CUX2: variants seen among roughly 807,000 people sequenced by gnomAD.
The protein encoded by CUX2 is homeobox protein cut-like 2.
In CUX2, 40 loss-of-function variants were observed where a neutral mutation model predicts 144.8. That is an observed-to-expected ratio of 0.28 (90% confidence interval 0.21 to 0.36). The LOEUF (loss-of-function observed/expected upper bound fraction) is 0.36. Among genes scored for constraint, CUX2 ranks in the 10% least tolerant of loss-of-function variants. The probability of loss-of-function intolerance (pLI) is 1.00; values close to 1 mark genes in which losing one functional copy is unlikely to be tolerated. For missense variants in CUX2, 1,615 were observed against 1,994.0 expected, an observed-to-expected ratio of 0.81 and a Z score of 3.62; for synonymous variants, 827 against 875.6, an observed-to-expected ratio of 0.94 and a Z score of 0.98.
intron 6 of CUX2, among the ~76,000 whole-genome samples, chr12:111,294,105 A>G (rs1244603769): frequency 6.6e-6 from 1 of 152,230 alleles, no homozygotes; most frequent in African/African-American, 2.4e-5. Context: ...AAGCCGAGGC[A>G]GGAGGATTGC....
rs372190942 is a variant in CUX2, at chr12:111,291,053, C to CG, written c.302-361dup. On this transcript the variant is annotated intron_variant, in intron 4 of 21. Coordinates refer to ENST00000261726, the MANE Select transcript of CUX2 (RefSeq NM_015267.4). ...AATTTTTTTGTATTTTTAGCAGAGA[C>CG]GGGGTTTCACCATGTTGGTCAGGCT... Among the ~76,000 whole-genome samples, 1,486 of 151,246 alleles carry CG rather than the reference C, an allele frequency of 9.8e-3. 23 individuals carry two copies. The highest frequency in any genetic ancestry group is 0.034 in the African/African-American group (1,416 of 41,148).
At chr12:111,329,059 C>G (rs369553116) in intron 18 of CUX2, among the ~76,000 whole-genome samples, 1 of 142,826 alleles carries the variant, frequency 7.0e-6, no homozygotes. Flanking sequence ...TCTCTCTCCC[C>G]CTCTGTTTGC....
At chr12:111,113,051 C>T (rs943844241) in intron 1 of CUX2, among the ~76,000 whole-genome samples, 10 of 152,092 alleles carry the variant, frequency 6.6e-5, no homozygotes, top group African/African-American at 1.9e-4. Context: ...AGGAGCTTGC[C>T]AGGGAGGGAG....
intron 2 of CUX2, among the ~76,000 whole-genome samples, chr12:111,217,011 C>T (rs755507752): frequency 2.6e-5 from 4 of 152,178 alleles, no homozygotes; most frequent in South Asian, 2.1e-4. Context: ...GGGGGAGTCA[C>T]ACCAGCAGAT....
intron 3 of CUX2, among the ~76,000 whole-genome samples, chr12:111,260,525 G>C (rs1196671153): frequency 6.6e-6 from 1 of 152,038 alleles, no homozygotes; most frequent in Non-Finnish European, 1.5e-5. Flanking sequence ...ACTTAGAAAT[G>C]CTATATTTTA....
chr12:111,055,597 C>T (rs1056753268), intron 1 of CUX2, among the ~76,000 whole-genome samples: 2 of 152,360 alleles, frequency 1.3e-5, no homozygotes, highest in African/African-American at 2.4e-5. Context: ...CTGGAGGGGG[C>T]GAGGAGAGAA....
Position 111,171,145 on chromosome 12 carries a change from A to G in CUX2, c.64-43055A>G, listed in dbSNP as rs1232353130. Among the ~76,000 whole-genome samples the G allele has an allele frequency of 6.6e-6, 1 of 152,050 alleles. No individual in the cohort carries two copies. The highest frequency in any genetic ancestry group is 2.4e-5 in the African/African-American group (1 of 41,382). On this transcript the variant is annotated intron_variant, in intron 1 of 21. Coordinates refer to ENST00000261726, the MANE Select transcript of CUX2 (RefSeq NM_015267.4). This position sits in a 1 kb window ranked among gnomAD's most constrained non-coding sequence, Gnocchi z 5.0. ...TCATCCCAGCAGGTGTCAGTGGCTG[A>G]TTCCACTTGGGGGTGACAGAGATGG...
intron 1 of CUX2, among the ~76,000 whole-genome samples, chr12:111,196,036 C>T (rs573763654): frequency 1.3e-5 from 2 of 152,318 alleles, no homozygotes; most frequent in African/African-American, 4.8e-5. Flanking sequence ...CTCCCAGCCC[C>T]AGGAAACCAC....
chr12:111,253,769 G>C (rs1403041883), intron 3 of CUX2, among the ~76,000 whole-genome samples: 1 of 150,680 alleles, frequency 6.6e-6, no homozygotes, highest in South Asian at 2.1e-4. Context: ...TGCTTTGCAT[G>C]TATGATTTTA....
At chr12:111,314,956 C>T (rs1887116751) in intron 16 of CUX2, among the ~76,000 whole-genome samples, 1 of 152,116 alleles carries the variant, frequency 6.6e-6, no homozygotes, top group Non-Finnish European at 1.5e-5. Flanking sequence ...AGAGGGAAAC[C>T]CCAGGTCTCT....
chr12:111,335,567 C>T (rs934676476), intron 19 of CUX2, among the ~76,000 whole-genome samples: 4 of 151,812 alleles, frequency 2.6e-5, no homozygotes, highest in East Asian at 3.9e-4. Context: ...AAAAAGTAGC[C>T]GGGTGTGGTG....
chr12:111,249,492 T>C (rs1883465368), intron 3 of CUX2, among the ~76,000 whole-genome samples: 1 of 141,060 alleles, frequency 7.1e-6, no homozygotes, highest in African/African-American at 2.6e-5. Context: ...AGTCTCACTC[T>C]ATTGCCCAGG....
chr12:111,296,405 C>A, intron 7 of CUX2, 68 bp from the exon 8 acceptor site: 2 of 1,449,766 alleles, frequency 1.4e-6, no homozygotes, highest in Non-Finnish European at 9.5e-7. Context: ...GTGGGCTCCA[C>A]CTCCCTGGGA....
At position 111,304,549 on chromosome 12, in the gene CUX2, G is replaced by C. The variant is rs534777768; in HGVS notation, c.858+235G>C. On this transcript the variant is annotated intron_variant, in intron 10 of 21. Coordinates refer to ENST00000261726, the MANE Select transcript of CUX2 (RefSeq NM_015267.4). This position sits in a 1 kb window ranked among gnomAD's most constrained non-coding sequence, Gnocchi z 4.7. Reference sequence around the variant, plus strand: ...ACAGTTCTTTACTTTTCAAGCCCACGTTTCCATATACCCTTTATTACCAGG... The same window carrying C: ...ACAGTTCTTTACTTTTCAAGCCCACCTTTCCATATACCCTTTATTACCAGG... Among the ~76,000 whole-genome samples the C allele has an allele frequency of 6.6e-6, 1 of 152,166 alleles. No homozygotes were observed. The highest frequency in any genetic ancestry group is 1.5e-5 in the Non-Finnish European group (1 of 68,018).
chr12:111,036,531 AT>A (rs2135997763), intron 1 of CUX2, among the ~76,000 whole-genome samples: 1 of 152,122 alleles, frequency 6.6e-6, no homozygotes, highest in South Asian at 2.1e-4. Flanking sequence ...TGGAAAGCAA[AT>A]TTGAACTGGA....
At chr12:111,073,850 A>G (rs750610545) in intron 1 of CUX2, among the ~76,000 whole-genome samples, 6 of 151,740 alleles carry the variant, frequency 4.0e-5, no homozygotes, top group Non-Finnish European at 7.4e-5. Context: ...AGTTCTAGCT[A>G]CTCCGGAGGC....
chr12:111,200,556 T>C (rs894366122), intron 1 of CUX2, among the ~76,000 whole-genome samples: 9 of 151,940 alleles, frequency 5.9e-5, no homozygotes, highest in Non-Finnish European at 1.3e-4. Context: ...CGTGGGGTCA[T>C]CTGGGAAGCA....
chr12:111,105,888 A>G (rs936356874), intron 1 of CUX2, among the ~76,000 whole-genome samples: 2 of 146,222 alleles, frequency 1.4e-5, no homozygotes, highest in Non-Finnish European at 3.0e-5. Flanking sequence ...TTTTTGAGAC[A>G]GAGTCCCTCT....
intron 1 of CUX2, among the ~76,000 whole-genome samples, chr12:111,209,696 C>G (rs1356700672): frequency 6.6e-6 from 1 of 152,084 alleles, no homozygotes; most frequent in African/African-American, 2.4e-5. Context: ...GGGGCTCTCA[C>G]TAGGCAGTGG....
Sources: gnomAD v4.1 joint callset for allele counts (sites outside exome capture counted in the v4.1 genomes callset) on GRCh38, gnomAD v4.1.1 for gene constraint, Gnocchi (gnomAD v3.1) non-coding constraint, MANE v1.5 for transcripts, NCBI Gene and HGNC (gene_info 2026-07-23, HGNC 2026-07-21) for gene names.